The following EPHA10 variants were observed in gnomAD, a reference collection of about 807,000 sequenced individuals.
EPHA10 encodes the protein EPH receptor A10.
In EPHA10, 120 loss-of-function variants were observed where a neutral mutation model predicts 109.7. That is an observed-to-expected ratio of 1.09 (90% CI 0.94 to 1.27). EPHA10 has a LOEUF of 1.27. Among genes scored for constraint, EPHA10 ranks in the 50% most tolerant of loss-of-function variants. The probability of loss-of-function intolerance (pLI) is 0.00; values close to 1 mark genes in which losing one functional copy is unlikely to be tolerated. For missense variants in EPHA10, 1,396 were observed against 1,411.1 expected, an observed-to-expected ratio of 0.99 and a Z score of 0.17; for synonymous variants, 640 against 618.9, an observed-to-expected ratio of 1.03 and a Z score of -0.51.
Position 37,721,742 on chromosome 1 carries a change from C to T in EPHA10, c.2064G>A (p.Arg688=), listed in dbSNP as rs761818051. 4.5e-5 allele frequency: 73 copies of T among 1,612,538 alleles called. No individual in the cohort carries two copies. Among genetic ancestry groups the T allele is most frequent in the Non-Finnish European group, 5.8e-5 (69 of 1,179,856 alleles). ...TGAGGGCCTCGGCCAGGAAGCCGAGCCTCTGTGAGTCGGAGGCGCTGTCCC... is the reference window on the plus strand; with the variant it reads ...TGAGGGCCTCGGCCAGGAAGCCGAGTCTCTGTGAGTCGGAGGCGCTGTCCC... ...MLRDSASDSQ[R]LGFLAEALTL... The change falls in exon 11 of 17, where the codon AGG becomes AGA. Residue 688 remains arginine (R), a synonymous_variant. Coordinates refer to ENST00000373048, the MANE Select transcript of EPHA10 (RefSeq NM_001099439.2).
chr1:37,753,208 C>G lies in EPHA10; in HGVS notation c.1025G>C (p.Arg342Pro). 7.7e-7 allele frequency: 1 copy of G among 1,304,032 alleles called. No homozygotes were observed. Among genetic ancestry groups the G allele is most frequent in the Non-Finnish European group, 9.7e-7 (1 of 1,027,278 alleles). 80.8% of individuals were successfully genotyped at this position (1,304,032 alleles called of 1,614,324 possible). A position where few individuals can be genotyped will look rare whatever the true frequency, so the allele number is the denominator to read the frequency against. ...GCGGCTCAGGCTGTACTGCAGGTCC[C>G]GCGGCGCCGACGGCGGCCCTGAGGC... ...ASCTRPPSAPRDLQYSLSRSP... is the reference protein window; with the variant it reads ...ASCTRPPSAPPDLQYSLSRSP... Residue 342 changes from arginine to proline, a missense_variant, in exon 5 of 17, where the codon CGG (arginine) becomes CCG (proline). Physicochemically the swap from Arg to Pro is moderately radical, Grantham distance 103. Coordinates refer to ENST00000373048, the MANE Select transcript of EPHA10 (RefSeq NM_001099439.2).
At chr1:37,723,224 C>A in intron 9 of EPHA10, 58 bp from the exon 10 acceptor site, 2 of 1,604,044 alleles carry the variant, frequency 1.2e-6, no homozygotes, top group Non-Finnish European at 1.7e-6. Flanking sequence ...GGCTGACAAG[C>A]GGGCTCATGC....
chr1:37,751,230 G>GA (rs1322830043), intron 5 of EPHA10, among the ~76,000 whole-genome samples: 6 of 73,908 alleles, frequency 8.1e-5, no homozygotes, highest in South Asian at 4.6e-4. Context: ...AAGAAAGAAA[G>GA]AAAAAGAAAA....
chr1:37,748,422 C>G (rs1646272855), intron 5 of EPHA10, among the ~76,000 whole-genome samples: 2 of 152,246 alleles, frequency 1.3e-5, no homozygotes, highest in Non-Finnish European at 2.9e-5. Flanking sequence ...GAAAGTTTCC[C>G]AGGCAGTTTT....
At position 37,735,266 on chromosome 1, in the gene EPHA10, G is replaced by C; in HGVS notation, c.1482C>G (p.Tyr494Ter). The C allele has an allele frequency of 6.4e-7, 1 of 1,567,096 alleles. No individual in the cohort carries two copies. The highest frequency in any genetic ancestry group is 8.7e-7 in the Non-Finnish European group (1 of 1,155,906). ...CCAGACACGCACTCACCTTCTCGTA[G>C]TATCGGATCTCGTACTCCGTGTCAT... ...GANDTEYEIRYYEKGQSEQTY... is the reference protein window; with the variant it reads ...GANDTEYEIR Residue 494 changes from tyrosine (Y) to a stop codon, truncating the protein, a stop_gained, in exon 6 of 17, where the codon TAC becomes TAG. Coordinates refer to ENST00000373048, the MANE Select transcript of EPHA10 (RefSeq NM_001099439.2). LOFTEE classifies it high-confidence loss of function.
At chr1:37,756,818 G>A (rs506251) in intron 3 of EPHA10, 53,056 of 152,970 alleles carry the variant, frequency 0.35, 9,227 homozygotes, top group Middle Eastern at 0.48. Context: ...CAATCCCACT[G>A]AGTTGTTTTG....
rs1419046983 is a variant in EPHA10 at position 37,719,563 on chromosome 1, C to G, written c.2607G>C (p.Arg869Ser). Residue 869 changes from arginine (R) to serine (S), a missense_variant, in exon 15 of 17, where the codon AGG becomes AGC. By Grantham distance (110) the Arg-to-Ser change is moderately radical. Transcript: ENST00000373048. Reference sequence around the variant, plus strand: ...GTCGGTGCAGAAGGTTAGGACAGTTCCTGGGGGGTGGCAGCCGGAAGCCAT... The same window carrying G: ...GTCGGTGCAGAAGGTTAGGACAGTTGCTGGGGGGTGGCAGCCGGAAGCCAT... ...VEDGFRLPPP[R>S]NCPNLLHRLM... 1 of 1,613,854 alleles carries G rather than the reference C, an allele frequency of 6.2e-7. No individual in the cohort carries two copies. Among genetic ancestry groups the G allele is most frequent in the Non-Finnish European group, 8.5e-7 (1 of 1,180,006 alleles).
At chr1:37,726,023 C>T (rs1439083878) in intron 8 of EPHA10, among the ~76,000 whole-genome samples, 5 of 152,226 alleles carry the variant, frequency 3.3e-5, no homozygotes, top group Admixed American at 6.5e-5. Flanking sequence ...TGGAATCCCG[C>T]GCTGGCTTGC....
chr1:37,753,123 G>T lies in EPHA10; in HGVS notation c.1110C>A (p.Asp370Glu). The T allele has an allele frequency of 7.1e-7, 1 of 1,403,702 alleles. No individual in the cohort carries two copies. The highest frequency in any genetic ancestry group is 9.3e-7 in the Non-Finnish European group (1 of 1,078,272). The allele number at this position is 1,403,702 out of a possible 1,614,324, so 87.0% of individuals were successfully genotyped here. Residue 370 changes from aspartate to glutamate, a missense_variant, in exon 5 of 17, where the codon GAC becomes GAA. Asp to Glu is a conservative substitution (Grantham distance 45). Transcript: ENST00000373048. The part of the protein sequence containing the change: ...LPPADSGGRS[D>E]VTYSLLCLRC... ...GCAGGCACAGCAGCGAGTAGGTGAC[G>T]TCCGAGCGGCCTCCCGAGTCGGCCG...
intron 5 of EPHA10, among the ~76,000 whole-genome samples, chr1:37,746,101 C>CTTTTTTT (rs111763214): frequency 3.6e-4 from 46 of 127,386 alleles, no homozygotes; most frequent in Admixed American, 5.0e-4. Flanking sequence ...CTTTTCTTTT[C>CTTTTTTT]TTTTTTTTTT....
chr1:37,724,574 G>A (rs1262062290), intron 8 of EPHA10, among the ~76,000 whole-genome samples: 1 of 152,150 alleles, frequency 6.6e-6, no homozygotes, highest in East Asian at 1.9e-4. Context: ...GGGAAACTGG[G>A]GCAGGGTATC....
Position 37,735,315 on chromosome 1 carries a change from A to G in EPHA10, c.1433T>C (p.Ile478Thr). Residue 478 changes from isoleucine to threonine, a missense_variant, in exon 6 of 17, where the codon ATC becomes ACC. Transcript: ENST00000373048. ...QSVSLSWREP[I>T]PAGAPGANDT... ...ATTGGCCCCAGGGGCTCCGGCAGGG[A>G]TGGGCTCCCGCCACGACAGGGACAC... 6.4e-7 allele frequency: 1 copy of G among 1,560,556 alleles called. No individual in the cohort carries two copies. Among genetic ancestry groups the G allele is most frequent in the Non-Finnish European group, 8.7e-7 (1 of 1,152,164 alleles).
intron 3 of EPHA10, chr1:37,761,076 A>G (rs1249570405): frequency 2.0e-6 from 2 of 1,000,952 alleles, no homozygotes; most frequent in African/African-American, 3.6e-5. Context: ...AGAGCAAGAG[A>G]GACTCCTTAT....
chr1:37,736,214 C>T (rs989290780), intron 5 of EPHA10, among the ~76,000 whole-genome samples: 1 of 151,998 alleles, frequency 6.6e-6, no homozygotes, highest in South Asian at 2.1e-4. Flanking sequence ...CAAGACCAGC[C>T]GGGCAGGTGG....
At chr1:37,763,945 A>G (rs1646454621) in intron 1 of EPHA10, among the ~76,000 whole-genome samples, 1 of 152,152 alleles carries the variant, frequency 6.6e-6, no homozygotes, top group Non-Finnish European at 1.5e-5. Flanking sequence ...TTATGTATAC[A>G]TCTATGACCC....
rs542385131 is a variant in EPHA10, at chr1:37,736,771, C to T, written c.1358-1381G>A. ...ACAGCAAAGTTGCAAAATACAAAAC[C>T]AATGCACAAAAATTTGTTGTGTTCT... On this transcript the variant is annotated intron_variant, in intron 5 of 16. Coordinates refer to ENST00000373048, the MANE Select transcript of EPHA10 (RefSeq NM_001099439.2). 5.3e-5 allele frequency among the ~76,000 whole-genome samples: 8 copies of T among 152,058 alleles called. No individual in the cohort carries two copies. The South Asian group carries it at 1.7e-3, about 32-fold the overall frequency.
At chr1:37,720,176 C>T (rs1645766023) in intron 13 of EPHA10, 118 bp from the exon 14 acceptor site, 3 of 1,448,366 alleles carry the variant, frequency 2.1e-6, no homozygotes, top group Non-Finnish European at 2.8e-6. Flanking sequence ...CCAACTCCAG[C>T]TTCACATCTG....
Position 37,717,020 on chromosome 1 carries a change from TCCCGCCCCA to T in EPHA10, c.*1343_*1351del. The T allele has an allele frequency of 1.8e-5, 4 of 218,126 alleles. No individual in the cohort carries two copies. The highest frequency in any genetic ancestry group is 6.7e-5 in the East Asian group (1 of 14,972). 13.5% of individuals were successfully genotyped at this position (218,126 alleles called of 1,614,324 possible). A position where few individuals can be genotyped will look rare whatever the true frequency, so the allele number is the denominator to read the frequency against. On this transcript the variant is annotated 3_prime_UTR_variant, in exon 17 of 17. Coordinates refer to ENST00000373048, the MANE Select transcript of EPHA10 (RefSeq NM_001099439.2). Reference sequence around the variant, plus strand: ...TCATCTTTACCTCTTGTCTCCTCTTTCCCGCCCCATCCCACCCCACCAACACACAGCCAA... The same window carrying T: ...TCATCTTTACCTCTTGTCTCCTCTTTTCCCACCCCACCAACACACAGCCAA...
Position 37,754,195 on chromosome 1 carries a change from A to T in EPHA10, c.1006+20T>A. On this transcript the variant is annotated intron_variant, in intron 4 of 16. Transcript: ENST00000373048. This position sits in a 1 kb window ranked among gnomAD's most constrained non-coding sequence, Gnocchi z 4.5. ...TCCCACCCCCCACCCTCCGCAGTGC[A>T]GCCTGGAGGGGGGACTCACGGGTGC... The T allele has an allele frequency of 7.8e-7, 1 of 1,279,406 alleles. No homozygotes were observed. Among genetic ancestry groups the T allele is most frequent in the Non-Finnish European group, 9.9e-7 (1 of 1,005,778 alleles). 79.3% of individuals were successfully genotyped at this position (1,279,406 alleles called of 1,614,324 possible). A position where few individuals can be genotyped will look rare whatever the true frequency, so the allele number is the denominator to read the frequency against.
Sources: allele counts gnomAD v4.1 joint callset (sites outside exome capture counted in the v4.1 genomes callset), GRCh38; gene constraint gnomAD v4.1.1; non-coding constraint Gnocchi (gnomAD v3.1); transcripts MANE v1.5; gene names NCBI Gene and HGNC (gene_info 2026-07-23, HGNC 2026-07-21).